Variants in AK5 observed in about 807,000 individuals in gnomAD.
AK5 encodes the protein adenylate kinase isoenzyme 5.
AK5 carries 27 observed loss-of-function variants against 69.5 expected under a neutral mutation model. That is an observed-to-expected ratio of 0.39 (90% confidence interval 0.29 to 0.54). The LOEUF (loss-of-function observed/expected upper bound fraction) is 0.54, where lower values mean the gene tolerates loss of function less well. Ranked by LOEUF, AK5 falls within the 20% of genes least tolerant of loss-of-function variation. The pLI, the probability that AK5 is intolerant of heterozygous loss-of-function variation, is 0.71. For synonymous variants in AK5, 260 were observed against 244.4 expected (o/e 1.06, Z -0.60); for missense variants, 531 against 700.4 (o/e 0.76, Z 2.73).
At chr1:77,287,525 T>TA (rs1658427313) in intron 2 of AK5, among the ~76,000 whole-genome samples, 1 of 152,252 alleles carries the variant, frequency 6.6e-6, no homozygotes. Context: ...AGATTTGGCT[T>TA]ACTAATATTT....
At chr1:77,409,053 G>A (rs1431828842) in intron 6 of AK5, among the ~76,000 whole-genome samples, 1 of 152,206 alleles carries the variant, frequency 6.6e-6, no homozygotes, top group African/African-American at 2.4e-5. Context: ...TAAGGACAAT[G>A]ACCTCCAGTT....
intron 6 of AK5, among the ~76,000 whole-genome samples, chr1:77,398,392 T>TG (rs1271302955): frequency 6.6e-6 from 1 of 152,162 alleles, no homozygotes; most frequent in Admixed American, 6.5e-5. Context: ...CACATGAGGC[T>TG]GAAATTTGAC....
chr1:77,421,512 G>A (rs1464647453), intron 8 of AK5, among the ~76,000 whole-genome samples: 1 of 152,180 alleles, frequency 6.6e-6, no homozygotes, highest in Non-Finnish European at 1.5e-5. Context: ...ATTATGGATG[G>A]GAAGGAGAAG....
In AK5 at chr1:77,289,467, G is replaced by A. The variant is rs149262160; in HGVS notation, c.247+2340G>A. On this transcript the variant is annotated intron_variant, in intron 2 of 13. Transcript: ENST00000354567. ...GTTACATCAAGGGGGGTAAATATGGGGATCTACTTTCTAAACCTTAAAGTA... is the reference window on the plus strand; with the variant it reads ...GTTACATCAAGGGGGGTAAATATGGAGATCTACTTTCTAAACCTTAAAGTA... Among the ~76,000 whole-genome samples the A allele has an allele frequency of 5.9e-4, 90 of 152,060 alleles. 1 individual carries two copies. Among genetic ancestry groups the A allele is most frequent in the African/African-American group, 2.2e-3 (90 of 41,464 alleles).
chr1:77,515,601 G>A (rs924433340), intron 10 of AK5, among the ~76,000 whole-genome samples: 5 of 152,196 alleles, frequency 3.3e-5, no homozygotes, highest in African/African-American at 1.2e-4. Context: ...ACCAGTGAGG[G>A]AGCTGCAGCC....
chr1:77,326,452 T>TG (rs895388184), intron 5 of AK5, among the ~76,000 whole-genome samples: 71 of 152,218 alleles, frequency 4.7e-4, no homozygotes, highest in African/African-American at 1.7e-3. Context: ...AAGTTTTTTT[T>TG]TTTTAAAGTA....
In AK5 at chr1:77,283,075, C is replaced by A. The variant is rs796751756; in HGVS notation, c.60+702C>A. On this transcript the variant is annotated intron_variant, in intron 1 of 13. Transcript: ENST00000354567. ...GGGAGGGAGCTGCGAGGGGGGCGGA[C>A]TCCTGTTGCTCAGTCTTCAGACCGC... 4 of 985,442 alleles carry A rather than the reference C, an allele frequency of 4.1e-6. No homozygotes were observed. The African/African-American group carries it at 7.0e-5, about 17-fold the overall frequency. 61.0% of individuals were successfully genotyped at this position (985,442 alleles called of 1,614,324 possible). A position where few individuals can be genotyped will look rare whatever the true frequency, so the allele number is the denominator to read the frequency against.
chr1:77,501,862 C>G (rs2100262689), intron 10 of AK5, among the ~76,000 whole-genome samples: 1 of 152,322 alleles, frequency 6.6e-6, no homozygotes, highest in Non-Finnish European at 1.5e-5. Context: ...CACAACATCA[C>G]TAGATAGTGT....
chr1:77,306,436 G>A (rs1350366637), intron 5 of AK5, among the ~76,000 whole-genome samples: 1 of 147,366 alleles, frequency 6.8e-6, no homozygotes, highest in Non-Finnish European at 1.5e-5. Context: ...ATCTCACTTG[G>A]TTATGATGAA....
chr1:77,384,899 T>C (rs1356284518), intron 6 of AK5, among the ~76,000 whole-genome samples: 1 of 152,064 alleles, frequency 6.6e-6, no homozygotes, highest in Non-Finnish European at 1.5e-5. Context: ...TTGGTAGTCG[T>C]GGAGTGAGAG....
At chr1:77,349,743 A>G (rs547409621) in intron 6 of AK5, among the ~76,000 whole-genome samples, 1 of 152,318 alleles carries the variant, frequency 6.6e-6, no homozygotes, top group Admixed American at 6.5e-5. Context: ...TATACTACAA[A>G]TGGCCAATTG....
chr1:77,430,981 G>A (rs1464181321), intron 8 of AK5, among the ~76,000 whole-genome samples: 2 of 152,204 alleles, frequency 1.3e-5, no homozygotes, highest in Non-Finnish European at 2.9e-5. Flanking sequence ...GAATGTGGTA[G>A]GACTGGGTTC....
At chr1:77,428,470 A>G (rs1017111382) in intron 8 of AK5, among the ~76,000 whole-genome samples, 4 of 152,058 alleles carry the variant, frequency 2.6e-5, no homozygotes, top group Non-Finnish European at 5.9e-5. Context: ...AACCAAAAAC[A>G]CTGATGAAGG....
At chr1:77,496,524 G>C (rs1436784099) in intron 10 of AK5, among the ~76,000 whole-genome samples, 3 of 152,154 alleles carry the variant, frequency 2.0e-5, no homozygotes, top group Non-Finnish European at 2.9e-5. Context: ...AAAGGAGACA[G>C]TTGAGGTGAA....
At position 77,442,291 on chromosome 1, in the gene AK5, C is replaced by A. The variant is rs578180292; in HGVS notation, c.1059+24576C>A. On this transcript the variant is annotated intron_variant, in intron 8 of 13. Coordinates refer to ENST00000354567, the MANE Select transcript of AK5 (RefSeq NM_174858.3). ...GCAAGATACACTCCAGCAGTAATTCCATTTCCAAGATGGTGTGTAGGGCAG... is the reference window on the plus strand; with the variant it reads ...GCAAGATACACTCCAGCAGTAATTCAATTTCCAAGATGGTGTGTAGGGCAG... Among the ~76,000 whole-genome samples the A allele has an allele frequency of 1.5e-3, 224 of 152,306 alleles. 5 individuals carry two copies. Among genetic ancestry groups the A allele is most frequent in the South Asian group, 3.1e-3 (15 of 4,826 alleles).
chr1:77,532,606 G>A (rs1658712631), intron 12 of AK5, among the ~76,000 whole-genome samples: 1 of 152,250 alleles, frequency 6.6e-6, no homozygotes, highest in South Asian at 2.1e-4. Flanking sequence ...TTCCCGGCAA[G>A]AGCGCCAGAG....
intron 13 of AK5, among the ~76,000 whole-genome samples, chr1:77,554,597 G>T (rs1390923881): frequency 6.6e-6 from 1 of 151,764 alleles, no homozygotes; most frequent in African/African-American, 2.4e-5. Context: ...TTTTATTTGG[G>T]TTTTGTTTTT....
intron 5 of AK5, among the ~76,000 whole-genome samples, chr1:77,339,159 A>C (rs1661517525): frequency 6.6e-6 from 1 of 152,276 alleles, no homozygotes; most frequent in Non-Finnish European, 1.5e-5. Context: ...ATAGTAATAC[A>C]TGCATATCAT....
chr1:77,531,054 T>TA (rs1248163767), intron 12 of AK5, among the ~76,000 whole-genome samples: 3 of 152,092 alleles, frequency 2.0e-5, no homozygotes, highest in African/African-American at 4.8e-5. Context: ...CTCACTGACT[T>TA]AAAGAATGAA....
Sources: allele counts gnomAD v4.1 joint callset (sites outside exome capture counted in the v4.1 genomes callset), GRCh38; gene constraint gnomAD v4.1.1; transcripts MANE v1.5; gene names NCBI Gene and HGNC (gene_info 2026-07-23, HGNC 2026-07-21).